Variants in SETD7 observed in about 807,000 individuals in gnomAD.
SETD7 encodes SET domain containing 7, histone lysine methyltransferase.
In SETD7, 16 loss-of-function variants were observed where a neutral mutation model predicts 41.8. That is an observed-to-expected ratio of 0.38 (90% CI 0.26 to 0.58). The LOEUF is 0.58. Among genes scored for constraint, SETD7 ranks in the 20% least tolerant of loss-of-function variants. SETD7 has a pLI of 0.64. For synonymous variants in SETD7, 163 were observed against 169.7 expected, an observed-to-expected ratio of 0.96 and a Z score of 0.31; for missense variants, 346 against 459.7, an observed-to-expected ratio of 0.75 and a Z score of 2.26.
chr4:139,544,832 G>A (rs1727893254), intron 2 of SETD7, among the ~76,000 whole-genome samples: 1 of 151,320 alleles, frequency 6.6e-6, no homozygotes, highest in South Asian at 2.1e-4. Flanking sequence ...GTGTGTGTTT[G>A]TGTGTGGAGG....
intron 7 of SETD7, chr4:139,496,592 G>A: frequency 1.6e-6 from 1 of 641,848 alleles, no homozygotes; most frequent in Non-Finnish European, 2.8e-6. Context: ...TCAAGCCACG[G>A]TGCTGAAAAG....
In SETD7 at chr4:139,500,166, G is replaced by C. The variant is rs571818641; in HGVS notation, c.921-3645C>G. Among the ~76,000 whole-genome samples, 31 of 152,074 alleles carry C rather than the reference G, an allele frequency of 2.0e-4. No individual in the cohort carries two copies. The South Asian group carries it at 6.2e-3, about 31-fold the overall frequency. Reference sequence around the variant, plus strand: ...AGCGGCATTTGTCTCCTGATCTGTTGGCCTCACCATTCCTGAATAATCAGT... The same window carrying C: ...AGCGGCATTTGTCTCCTGATCTGTTCGCCTCACCATTCCTGAATAATCAGT... On this transcript the variant is annotated intron_variant, in intron 7 of 7. Transcript: ENST00000506866.
intron 2 of SETD7, chr4:139,546,376 G>T: frequency 4.5e-6 from 1 of 220,790 alleles, no homozygotes; most frequent in South Asian, 6.4e-5. Flanking sequence ...CATGAGGAGA[G>T]GCAACAAGCT....
chr4:139,542,252 A>G (rs1727799894), intron 2 of SETD7, among the ~76,000 whole-genome samples: 1 of 152,220 alleles, frequency 6.6e-6, no homozygotes, highest in African/African-American at 2.4e-5. Context: ...AGAAGGCAGG[A>G]GGGAAGGATG....
Position 139,555,438 on chromosome 4 carries a change from C to T in SETD7, c.40+660G>A, listed in dbSNP as rs2592985. Among the ~76,000 whole-genome samples the T allele has an allele frequency of 0.061, 9,330 of 151,878 alleles. 326 individuals are homozygous for T. Among genetic ancestry groups the T allele is most frequent in the East Asian group, 0.091 (461 of 5,092 alleles). ...AGGGGGAGGCCTGACTGAGTTCGCT[C>T]GGGGGCAGCTGAGGGGAGGGCTGCC... On this transcript the variant is annotated intron_variant, in intron 1 of 7. Coordinates refer to ENST00000274031, the MANE Select transcript of SETD7 (RefSeq NM_030648.4). The surrounding 1 kb of genome is among the most constrained non-coding windows in gnomAD (Gnocchi z 4.0).
intron 2 of SETD7, 136 bp downstream of exon 2, chr4:139,546,784 G>T: frequency 8.5e-7 from 1 of 1,181,890 alleles, no homozygotes; most frequent in Non-Finnish European, 1.2e-6. Flanking sequence ...CCAAAGCAGT[G>T]CCTACAGGTA....
chr4:139,511,883 C>A (rs755389236), intron 7 of SETD7, 40 bp from the exon 8 acceptor site: 2 of 1,578,266 alleles, frequency 1.3e-6, no homozygotes, highest in East Asian at 2.2e-5. Flanking sequence ...CGGGCCAGAC[C>A]AGGAGGTTGG....
At chr4:139,548,940 T>C (rs1234314900) in intron 1 of SETD7, among the ~76,000 whole-genome samples, 1 of 152,216 alleles carries the variant, frequency 6.6e-6, no homozygotes, top group East Asian at 1.9e-4. Flanking sequence ...ATTTGAGTCA[T>C]ATGAAATCAC....
chr4:139,532,528 G>A (rs961212759), intron 3 of SETD7: 2 of 152,340 alleles, frequency 1.3e-5, no homozygotes, highest in African/African-American at 4.8e-5. Flanking sequence ...AACAACAGAT[G>A]GGACATTTGA....
intron 1 of SETD7, among the ~76,000 whole-genome samples, chr4:139,547,261 T>C (rs1189971154): frequency 6.6e-6 from 1 of 152,230 alleles, no homozygotes; most frequent in Non-Finnish European, 1.5e-5. Context: ...ATGTACACTT[T>C]GTGAACTGAT....
At chr4:139,494,108 TCCACAGTATC>T (rs1219680085), downstream of SETD7, among the ~76,000 whole-genome samples, 2 of 152,194 alleles carry the variant, frequency 1.3e-5, no homozygotes, top group African/African-American at 2.4e-5. Flanking sequence ...GGGTAGGCAA[TCCACAGTATC>T]TGCCACTAGG....
chr4:139,500,182 A>T (rs1726541206), intron 7 of SETD7, among the ~76,000 whole-genome samples: 1 of 152,132 alleles, frequency 6.6e-6, no homozygotes, highest in African/African-American at 2.4e-5. Context: ...ACCATTCCTG[A>T]ATAATCAGTG....
chr4:139,546,779 GCA>G, intron 2 of SETD7, 139 bp downstream of exon 2: 1 of 1,115,768 alleles, frequency 9.0e-7, no homozygotes, highest in East Asian at 2.5e-5. Flanking sequence ...AGTCACCAAA[GCA>G]GTGCCTACAG....
rs35259575 is a variant in SETD7 at position 139,511,737 on chromosome 4, C to CG, written c.1026dup (p.Gly343ArgfsTer6). On this transcript the variant is annotated frameshift_variant, in exon 8 of 8. Coordinates refer to ENST00000274031, the MANE Select transcript of SETD7 (RefSeq NM_030648.4). LOFTEE classifies it high-confidence loss of function. ...TCAGGGGCTTCAGGCCCACTCTTCC[C>CG]GGGGGGGCTGTGGTCATAGCCATAG... The CG allele has an allele frequency of 1.3e-5, 21 of 1,613,828 alleles. No homozygotes were observed. Among genetic ancestry groups the CG allele is most frequent in the Non-Finnish European group, 3.4e-6 (4 of 1,179,966 alleles).
At chr4:139,498,351 A>G (rs1726505823) in intron 7 of SETD7, among the ~76,000 whole-genome samples, 1 of 152,142 alleles carries the variant, frequency 6.6e-6, no homozygotes, top group South Asian at 2.1e-4. Context: ...CCATTACCCC[A>G]GGGTCAGGTA....
downstream of SETD7, among the ~76,000 whole-genome samples, chr4:139,501,325 C>T: frequency 6.7e-6 from 1 of 149,636 alleles, no homozygotes; most frequent in Non-Finnish European, 1.5e-5. Flanking sequence ...GTGAAGTAAC[C>T]AAGGAATGAA....
At chr4:139,546,745 C>T (rs541434606) in intron 2 of SETD7, 175 bp downstream of exon 2, 1 of 792,970 alleles carries the variant, frequency 1.3e-6, no homozygotes, top group Non-Finnish European at 2.0e-6. Flanking sequence ...GCTGGCTGTC[C>T]CATAACCACA....
At chr4:139,526,846 T>C (rs1314235558) in intron 4 of SETD7, among the ~76,000 whole-genome samples, 1 of 152,238 alleles carries the variant, frequency 6.6e-6, no homozygotes, top group Admixed American at 6.5e-5. Context: ...GTTTCGAGCC[T>C]CCTCATTTCT....
intron 7 of SETD7, among the ~76,000 whole-genome samples, chr4:139,512,065 T>C (rs1055569225): frequency 1.3e-5 from 2 of 152,182 alleles, no homozygotes; most frequent in African/African-American, 4.8e-5. Flanking sequence ...ATCTGCATTT[T>C]AGCGACACCC....
Sources: allele counts gnomAD v4.1 joint callset (sites outside exome capture counted in the v4.1 genomes callset), GRCh38; gene constraint gnomAD v4.1.1; non-coding constraint Gnocchi (gnomAD v3.1); transcripts MANE v1.5; gene names NCBI Gene and HGNC (gene_info 2026-07-23, HGNC 2026-07-21).